Variants in DPY19L1 observed in about 807,000 individuals in gnomAD.
The protein encoded by DPY19L1 is dpy-19 like C-mannosyltransferase 1.
In DPY19L1, 35 loss-of-function variants were observed where a neutral mutation model predicts 96.9. That is an observed-to-expected ratio of 0.36 (90% CI 0.28 to 0.48). The LOEUF is 0.48. Among genes scored for constraint, DPY19L1 ranks in the 20% least tolerant of loss-of-function variants. The pLI, the probability that DPY19L1 is intolerant of heterozygous loss-of-function variation, is 0.99. For missense variants in DPY19L1, 521 were observed against 777.9 expected (o/e 0.67, Z 3.93); for synonymous variants, 205 against 252.6 (o/e 0.81, Z 1.79).
At chr7:34,958,660 A>G (rs1276873328) in intron 10 of DPY19L1, among the ~76,000 whole-genome samples, 3 of 152,220 alleles carry the variant, frequency 2.0e-5, no homozygotes, top group Non-Finnish European at 4.4e-5. Flanking sequence ...AATTCAATAC[A>G]AATATTGACA....
intron 21 of DPY19L1, among the ~76,000 whole-genome samples, chr7:34,935,279 G>C (rs1005184746): frequency 1.3e-5 from 2 of 152,066 alleles, no homozygotes; most frequent in African/African-American, 4.8e-5. Context: ...TGTTTGCCTT[G>C]TGCAACACTA....
At chr7:34,955,967 A>ATT (rs5883482) in intron 11 of DPY19L1, among the ~76,000 whole-genome samples, 139,077 of 152,222 alleles carry the variant, frequency 0.91, 63,739 homozygotes, top group East Asian at 1. Context: ...TTTCAAAGTG[A>ATT]AATTATAAAT....
rs1473062970 is a variant in DPY19L1, at chr7:35,011,457, T to A, written c.550-7A>T. On this transcript the variant is annotated splice_region_variant and splice_polypyrimidine_tract_variant and intron_variant, in intron 4 of 21. Coordinates refer to ENST00000638088, the MANE Select transcript of DPY19L1 (RefSeq NM_001366673.1). Reference sequence around the variant, plus strand: ...ACCAACTGGCCAAAATTACCTATTTTAAAAAATACAGAGGCATCTTAAGAA... The same window carrying A: ...ACCAACTGGCCAAAATTACCTATTTAAAAAAATACAGAGGCATCTTAAGAA... 1 of 1,592,722 alleles carries A rather than the reference T, an allele frequency of 6.3e-7. No individual in the cohort carries two copies. The highest frequency in any genetic ancestry group is 1.4e-5 in the African/African-American group (1 of 73,318).
At chr7:35,014,358 C>A (rs1785788651) in intron 3 of DPY19L1, among the ~76,000 whole-genome samples, 1 of 151,394 alleles carries the variant, frequency 6.6e-6, no homozygotes, top group African/African-American at 2.4e-5. Flanking sequence ...GCTTGGCACA[C>A]TACTTTGGAA....
intron 2 of DPY19L1, 121 bp from the exon 3 acceptor site, chr7:35,018,090 C>A: frequency 1.7e-6 from 1 of 599,680 alleles, no homozygotes; most frequent in Non-Finnish European, 2.7e-6. Flanking sequence ...TAATAACACT[C>A]AAATACAATA....
rs922895109 is a variant in DPY19L1 at position 34,930,419 on chromosome 7, T to C, written c.*1154A>G. On this transcript the variant is annotated 3_prime_UTR_variant, in exon 22 of 22. Transcript: ENST00000638088. ...GACGAAATATACTTATTCCTTATAC[T>C]GAAATGATGGTTTTTAGAACCAAAA... 4 of 152,334 alleles carry C rather than the reference T, an allele frequency of 2.6e-5. No homozygotes were observed. The highest frequency in any genetic ancestry group is 7.2e-5 in the African/African-American group (3 of 41,574). 9.4% of individuals were successfully genotyped at this position (152,334 alleles called of 1,614,324 possible).
chr7:34,931,868 G>T, intron 21 of DPY19L1, 139 bp from the exon 22 acceptor site: 1 of 1,291,746 alleles, frequency 7.7e-7, no homozygotes. Context: ...CTGTTACATA[G>T]CTATTTATGT....
chr7:35,025,572 A>C (rs1294384774), intron 1 of DPY19L1, among the ~76,000 whole-genome samples: 1 of 152,184 alleles, frequency 6.6e-6, no homozygotes, highest in Non-Finnish European at 1.5e-5. Flanking sequence ...TTTATGGCAA[A>C]CAGCCAGAAA....
At chr7:35,023,833 CTTTTTTTTTTTT>C (rs755619806) in intron 1 of DPY19L1, among the ~76,000 whole-genome samples, 1 of 111,810 alleles carries the variant, frequency 8.9e-6, no homozygotes, top group African/African-American at 3.4e-5. Context: ...CTTTTCTTTT[CTTTTTTTTTTTT>C]TTTTTTTTGA....
chr7:34,945,585 G>T, intron 16 of DPY19L1, 82 bp downstream of exon 16: 1 of 976,418 alleles, frequency 1.0e-6, no homozygotes. Context: ...TACACAACAT[G>T]TAAGTATACA....
chr7:35,024,271 T>G (rs1432679859), intron 1 of DPY19L1, among the ~76,000 whole-genome samples: 1 of 152,196 alleles, frequency 6.6e-6, no homozygotes, highest in African/African-American at 2.4e-5. Flanking sequence ...TTACTAACCC[T>G]CAAGTGACAA....
At chr7:35,009,510 T>A (rs1306757271) in intron 6 of DPY19L1, among the ~76,000 whole-genome samples, 4 of 152,252 alleles carry the variant, frequency 2.6e-5, no homozygotes, top group Admixed American at 2.6e-4. Context: ...GGTCAGATAC[T>A]AAATATTGTA....
At chr7:35,038,012 G>T, upstream of DPY19L1, 2 of 898,186 alleles carry the variant, frequency 2.2e-6, no homozygotes, top group Non-Finnish European at 2.9e-6. Flanking sequence ...GGCGGGGCAG[G>T]GAGAAGGCGC....
intron 14 of DPY19L1, among the ~76,000 whole-genome samples, chr7:34,949,547 T>C (rs1159318770): frequency 6.6e-6 from 1 of 152,230 alleles, no homozygotes; most frequent in Non-Finnish European, 1.5e-5. Context: ...GAAATGCCTC[T>C]GTGTTTACTC....
intron 6 of DPY19L1, among the ~76,000 whole-genome samples, chr7:35,006,350 C>T (rs1199358115): frequency 2.0e-5 from 3 of 152,152 alleles, no homozygotes; most frequent in Non-Finnish European, 2.9e-5. Context: ...TTAGTATCAC[C>T]TGCTTGATAT....
chr7:35,022,412 C>T (rs113942009), intron 1 of DPY19L1, among the ~76,000 whole-genome samples: 8 of 152,286 alleles, frequency 5.3e-5, no homozygotes, highest in African/African-American at 1.9e-4. Flanking sequence ...CAGAAATTAC[C>T]TACAACCTAA....
intron 13 of DPY19L1, among the ~76,000 whole-genome samples, chr7:34,951,556 C>T (rs1784266387): frequency 1.3e-5 from 2 of 151,860 alleles, no homozygotes; most frequent in African/African-American, 2.4e-5. Flanking sequence ...GTACTACATA[C>T]TTACAAAGAA....
chr7:34,959,174 C>T (rs1784439155), intron 10 of DPY19L1, among the ~76,000 whole-genome samples: 1 of 152,180 alleles, frequency 6.6e-6, no homozygotes, highest in Non-Finnish European at 1.5e-5. Flanking sequence ...GATAACATCT[C>T]ATGCCAGTTA....
chr7:35,007,003 AT>A (rs1408823332), intron 6 of DPY19L1, among the ~76,000 whole-genome samples: 2 of 152,146 alleles, frequency 1.3e-5, no homozygotes, highest in African/African-American at 4.8e-5. Flanking sequence ...CCTCCTCTTT[AT>A]TTTTAACCCA....
Sources: allele counts gnomAD v4.1 joint callset (sites outside exome capture counted in the v4.1 genomes callset), GRCh38; gene constraint gnomAD v4.1.1; transcripts MANE v1.5; gene names NCBI Gene and HGNC (gene_info 2026-07-23, HGNC 2026-07-21).